The following FRMD3 variants were observed in gnomAD, a reference collection of about 807,000 sequenced individuals.
The protein encoded by FRMD3 is FERM domain containing 3, also known as FERM domain-containing protein 3.
Under a neutral mutation model 70.2 loss-of-function variants are expected in FRMD3, and 33 were observed. The ratio of observed to expected loss-of-function variants is 0.47; its 90% CI spans 0.36 to 0.63. FRMD3 has a LOEUF of 0.63. Among genes scored for constraint, FRMD3 ranks in the 20% least tolerant of loss-of-function variants. The pLI, the probability that FRMD3 is intolerant of heterozygous loss-of-function variation, is 0.00. For synonymous variants in FRMD3, 279 were observed against 255.9 expected, an observed-to-expected ratio of 1.09 and a Z score of -0.86; for missense variants, 632 against 711.4, an observed-to-expected ratio of 0.89 and a Z score of 1.27.
intron 2 of FRMD3, 31 bp downstream of exon 2, chr9:83,389,572 GA>G: frequency 2.0e-6 from 3 of 1,481,816 alleles, no homozygotes; most frequent in Non-Finnish European, 2.8e-6. Context: ...GTCACTCCCT[GA>G]AAATGGCTCC....
At chr9:83,542,321 G>A (rs181378252), upstream of FRMD3, among the ~76,000 whole-genome samples, 3 of 152,252 alleles carry the variant, frequency 2.0e-5, no homozygotes, top group East Asian at 5.8e-4. Context: ...ATTGCATCTT[G>A]AATTTTTTCA....
At chr9:83,266,256 G>A (rs1044279047) in intron 13 of FRMD3, among the ~76,000 whole-genome samples, 4 of 152,144 alleles carry the variant, frequency 2.6e-5, no homozygotes, top group African/African-American at 7.2e-5. Context: ...AACACATCAT[G>A]TATTATGTCA....
At chr9:83,577,425 T>A in the FRMD3 span, among the ~76,000 whole-genome samples, 2 of 152,072 alleles carry the variant, frequency 1.3e-5, no homozygotes, top group Non-Finnish European at 2.9e-5. Flanking sequence ...TCAACTGATT[T>A]CAACAGAACG....
chr9:83,392,190 A>G (rs10117284), intron 1 of FRMD3, among the ~76,000 whole-genome samples: 115,523 of 151,940 alleles, frequency 0.76, 44,228 homozygotes, highest in African/African-American at 0.79. Context: ...AGGAGACATC[A>G]ATAGCCCTTT....
intron 1 of FRMD3, among the ~76,000 whole-genome samples, chr9:83,509,062 G>A (rs553471051): frequency 9.3e-6 from 1 of 107,588 alleles, no homozygotes; most frequent in African/African-American, 4.1e-5. Context: ...ACCAACAACA[G>A]ACATACTTAA....
At chr9:83,555,594 T>C in the FRMD3 span, among the ~76,000 whole-genome samples, 1 of 152,108 alleles carries the variant, frequency 6.6e-6, no homozygotes, top group African/African-American at 2.4e-5. Flanking sequence ...TCCAAACCAG[T>C]GGGTCTTATC....
At chr9:83,252,810 T>G (rs1188249556) in intron 13 of FRMD3, among the ~76,000 whole-genome samples, 2 of 152,112 alleles carry the variant, frequency 1.3e-5, no homozygotes, top group Admixed American at 6.5e-5. Context: ...CAGGAAGAGC[T>G]AACTATCCTA....
In FRMD3 at chr9:83,479,785, G is replaced by GGGAAGGAAGGAA. The variant is rs1242768755; in HGVS notation, c.147+58288_147+58299dup. Among the ~76,000 whole-genome samples the GGGAAGGAAGGAA allele has an allele frequency of 6.3e-4, 27 of 42,576 alleles. 2 individuals carry two copies. Among genetic ancestry groups the GGGAAGGAAGGAA allele is most frequent in the East Asian group, 2.0e-3 (4 of 2,036 alleles). 27.9% of individuals were successfully genotyped at this position (42,576 alleles called of 152,430 possible). On this transcript the variant is annotated intron_variant, in intron 1 of 13. Coordinates refer to ENST00000304195, the MANE Select transcript of FRMD3 (RefSeq NM_174938.6). ...AGGGAGGGAGGGAGGGAGGGAGGGA[G>GGGAAGGAAGGAA]GGAAGGAAGGAAGGAAGGAAGGAAG... is the stretch of plus-strand genomic sequence containing the variant.
At chr9:83,272,540 G>T (rs1023782447) in intron 13 of FRMD3, among the ~76,000 whole-genome samples, 1 of 152,302 alleles carries the variant, frequency 6.6e-6, no homozygotes, top group African/African-American at 2.4e-5. Context: ...CCTCTGGGAA[G>T]TGAGGAGCAT....
chr9:83,447,161 T>C (rs780205103), intron 1 of FRMD3, among the ~76,000 whole-genome samples: 9 of 152,190 alleles, frequency 5.9e-5, no homozygotes, highest in Middle Eastern at 3.4e-3. Context: ...GTAGCTGGGA[T>C]TACAGGCATG....
At chr9:83,545,362 T>G in the FRMD3 span, among the ~76,000 whole-genome samples, 22 of 145,826 alleles carry the variant, frequency 1.5e-4, no homozygotes, top group African/African-American at 3.3e-4. Flanking sequence ...TTTTGTTTTT[T>G]TTTTTTTTTT....
chr9:83,551,574 A>G, the FRMD3 span, among the ~76,000 whole-genome samples: 1 of 152,166 alleles, frequency 6.6e-6, no homozygotes, highest in East Asian at 1.9e-4. Context: ...TTGTACATCT[A>G]GTAGAATTCA....
chr9:83,267,024 C>T (rs1833293342), intron 13 of FRMD3: 2 of 1,550,830 alleles, frequency 1.3e-6, no homozygotes, highest in African/African-American at 2.7e-5. Flanking sequence ...GTGTTACGAG[C>T]TGTGACCTTG....
chr9:83,360,660 C>A lies in FRMD3; in HGVS notation c.296-10903G>T, dbSNP rs114115893. Among the ~76,000 whole-genome samples the A allele has an allele frequency of 3.0e-3, 461 of 152,288 alleles. 1 individual carries two copies. Among genetic ancestry groups the A allele is most frequent in the African/African-American group, 0.01 (436 of 41,554 alleles). On this transcript the variant is annotated intron_variant, in intron 3 of 13. Transcript: ENST00000304195. Reference sequence around the variant, plus strand: ...TTCCTCCACTACCCCTGTCACACTACCCCGCTTCCCACGAGGAGTGCTAGG... The same window carrying A: ...TTCCTCCACTACCCCTGTCACACTAACCCGCTTCCCACGAGGAGTGCTAGG...
intron 3 of FRMD3, among the ~76,000 whole-genome samples, chr9:83,369,733 GA>G (rs1437448419): frequency 1.3e-5 from 2 of 151,912 alleles, no homozygotes; most frequent in Non-Finnish European, 2.9e-5. Flanking sequence ...ACAAGATGAA[GA>G]AAAATATATA....
the FRMD3 span, among the ~76,000 whole-genome samples, chr9:83,575,414 T>G: frequency 2.6e-5 from 4 of 152,262 alleles, no homozygotes; most frequent in African/African-American, 9.6e-5. Context: ...TGAGAGCTTC[T>G]GAGTTAATGG....
At chr9:83,526,524 G>C (rs1447309942) in intron 1 of FRMD3, among the ~76,000 whole-genome samples, 3 of 152,108 alleles carry the variant, frequency 2.0e-5, no homozygotes, top group African/African-American at 7.2e-5. Flanking sequence ...ACTTCCACTT[G>C]TCCTTTAATT....
At chr9:83,346,051 T>C (rs1587750337) in intron 4 of FRMD3, among the ~76,000 whole-genome samples, 1 of 150,666 alleles carries the variant, frequency 6.6e-6, no homozygotes, top group South Asian at 2.1e-4. Flanking sequence ...AGGTCAGGAG[T>C]TCCAGAACAG....
chr9:83,342,358 A>G (rs1301214782), intron 5 of FRMD3, among the ~76,000 whole-genome samples: 1 of 152,218 alleles, frequency 6.6e-6, no homozygotes, highest in Non-Finnish European at 1.5e-5. Flanking sequence ...TGGAAAAAGA[A>G]CAGTAGTCAC....
Sources: gnomAD v4.1 joint callset for allele counts (sites outside exome capture counted in the v4.1 genomes callset) on GRCh38, gnomAD v4.1.1 for gene constraint, MANE v1.5 for transcripts, NCBI Gene and HGNC (gene_info 2026-07-23, HGNC 2026-07-21) for gene names.